AGAP1: variants seen among roughly 807,000 people sequenced by gnomAD.
The protein encoded by AGAP1 is ArfGAP with GTPase domain, ankyrin repeat and PH domain 1.
In AGAP1, 29 loss-of-function variants were observed where a neutral mutation model predicts 105.3. The observed-to-expected ratio is 0.28, with a 90% CI of 0.21 to 0.38. AGAP1 has a LOEUF of 0.38. Ranked by LOEUF, AGAP1 falls within the 10% of genes least tolerant of loss-of-function variation. AGAP1 has a pLI of 1.00. For missense variants in AGAP1, 998 were observed against 1,165.1 expected (o/e 0.86, Z 2.09); for synonymous variants, 509 against 485.9 (o/e 1.05, Z -0.63).
intron 1 of AGAP1, among the ~76,000 whole-genome samples, chr2:235,542,634 A>G (rs372971977): frequency 5.3e-5 from 8 of 152,252 alleles, no homozygotes; most frequent in African/African-American, 1.9e-4. Context: ...TACATGTACA[A>G]TCATTTCAAA....
At chr2:235,679,409 G>A (rs1948941078) in intron 1 of AGAP1, among the ~76,000 whole-genome samples, 1 of 152,202 alleles carries the variant, frequency 6.6e-6, no homozygotes, top group African/African-American at 2.4e-5. Context: ...GAAGCTCCAA[G>A]TATAAGCCAA....
rs567302709 is a variant in AGAP1 at position 236,062,082 on chromosome 2, C to T, written c.2114+12801C>T. The stretch of plus-strand genomic sequence containing the variant: ...CAGGATGTGCACTGCAGCCAAATTC[C>T]TGCCCTGCGGACGGCCCACAGGGGA... On this transcript the variant is annotated intron_variant, in intron 16 of 17. Transcript: ENST00000304032. The surrounding 1 kb of genome is among the most constrained non-coding windows in gnomAD (Gnocchi z 4.2). Among the ~76,000 whole-genome samples the T allele has an allele frequency of 6.6e-6, 1 of 152,228 alleles. No individual in the cohort carries two copies. Among genetic ancestry groups the T allele is most frequent in the Non-Finnish European group, 1.5e-5 (1 of 68,012 alleles).
chr2:235,495,343 G>T (rs1293223588), intron 1 of AGAP1, among the ~76,000 whole-genome samples: 1 of 152,246 alleles, frequency 6.6e-6, no homozygotes, highest in Non-Finnish European at 1.5e-5. Flanking sequence ...TTAATTCAGG[G>T]GTGCAGTTGA....
In AGAP1 at chr2:235,665,492, G is replaced by A. The variant is rs1442570845; in HGVS notation, c.164-43687G>A. 6.6e-6 allele frequency among the ~76,000 whole-genome samples: 1 copy of A among 152,152 alleles called. No homozygotes were observed. The highest frequency in any genetic ancestry group is 1.5e-5 in the Non-Finnish European group (1 of 68,046). On this transcript the variant is annotated intron_variant, in intron 1 of 17. Coordinates refer to ENST00000304032, the MANE Select transcript of AGAP1 (RefSeq NM_001037131.3). This position sits in a 1 kb window ranked among gnomAD's most constrained non-coding sequence, Gnocchi z 5.3. ...TTCAGCTGGAGTGTCCCAGGCAAAG[G>A]GATGCGTGCAGAATTTTCAGTTCCT...
intron 6 of AGAP1, among the ~76,000 whole-genome samples, chr2:235,791,305 G>T (rs1956960936): frequency 6.6e-6 from 1 of 152,112 alleles, no homozygotes; most frequent in African/African-American, 2.4e-5. Context: ...AGACGTTAGG[G>T]GATCTTTTAT....
rs1944874250 is a variant in AGAP1, at chr2:235,579,979, C to T, written c.163+85130C>T. Among the ~76,000 whole-genome samples the T allele has an allele frequency of 2.0e-5, 3 of 152,042 alleles. No individual in the cohort carries two copies. The South Asian group carries it at 6.2e-4, about 32-fold the overall frequency. Reference sequence around the variant, plus strand: ...GTGGGTTTGCCCATTCTGGACATTTCATATAAACAGAACCATACAACATGT... The same window carrying T: ...GTGGGTTTGCCCATTCTGGACATTTTATATAAACAGAACCATACAACATGT... On this transcript the variant is annotated intron_variant, in intron 1 of 17. Transcript: ENST00000304032.
chr2:235,775,409 T>C (rs1488906451), intron 6 of AGAP1, among the ~76,000 whole-genome samples: 1 of 152,220 alleles, frequency 6.6e-6, no homozygotes, highest in African/African-American at 2.4e-5. Context: ...TCTTAAATCA[T>C]AGGTGTAATG....
At chr2:235,978,559 G>A (rs2054955051) in intron 13 of AGAP1, among the ~76,000 whole-genome samples, 2 of 152,202 alleles carry the variant, frequency 1.3e-5, no homozygotes, top group Non-Finnish European at 2.9e-5. Flanking sequence ...GAGGAAGAGG[G>A]TTGAATAAAG....
rs73996512 is a variant in AGAP1, at chr2:236,067,454, A to G, written c.2114+18173A>G. On this transcript the variant is annotated intron_variant, in intron 16 of 17. Transcript: ENST00000304032. ...GAAACATCGTTAAAAATTATAATGA[A>G]AAATACTATGTCTACCTGTCATATT... is the stretch of plus-strand genomic sequence containing the variant. Among the ~76,000 whole-genome samples the G allele has an allele frequency of 8.8e-3, 1,336 of 152,286 alleles. 12 individuals are homozygous for G. Among genetic ancestry groups the G allele is most frequent in the African/African-American group, 0.029 (1,217 of 41,544 alleles).
intron 7 of AGAP1, among the ~76,000 whole-genome samples, chr2:235,798,569 C>T (rs1283953747): frequency 2.0e-5 from 3 of 152,106 alleles, no homozygotes; most frequent in Non-Finnish European, 4.4e-5. Context: ...CAGAGCCTGT[C>T]AAGGTACAGT....
chr2:235,779,697 C>T (rs1956139820), intron 6 of AGAP1, among the ~76,000 whole-genome samples: 1 of 152,312 alleles, frequency 6.6e-6, no homozygotes, highest in Middle Eastern at 3.4e-3. Flanking sequence ...CATCAGTAAC[C>T]TACAGGCTTT....
intron 6 of AGAP1, among the ~76,000 whole-genome samples, chr2:235,757,925 C>A (rs1451692896): frequency 6.6e-6 from 1 of 152,154 alleles, no homozygotes; most frequent in African/African-American, 2.4e-5. Flanking sequence ...GTCTTCTGGG[C>A]CTCTTCTCCT....
At position 235,971,471 on chromosome 2, in the gene AGAP1, C is replaced by T. The variant is rs554004953; in HGVS notation, c.1645+2848C>T. Among the ~76,000 whole-genome samples the T allele has an allele frequency of 3.3e-5, 5 of 152,114 alleles. No homozygotes were observed. Among genetic ancestry groups the T allele is most frequent in the East Asian group, 1.9e-4 (1 of 5,166 alleles). ...ATCCCAGCACTTTGGGAGGCTGAGGCGGGCGGATCACGAGGTCAGGAGATC... is the reference window on the plus strand; with the variant it reads ...ATCCCAGCACTTTGGGAGGCTGAGGTGGGCGGATCACGAGGTCAGGAGATC... On this transcript the variant is annotated intron_variant, in intron 13 of 17. Transcript: ENST00000304032. The surrounding 1 kb of genome is among the most constrained non-coding windows in gnomAD (Gnocchi z 4.8).
chr2:235,519,890 C>G (rs886352884), intron 1 of AGAP1, among the ~76,000 whole-genome samples: 3 of 152,204 alleles, frequency 2.0e-5, no homozygotes, highest in African/African-American at 7.2e-5. Flanking sequence ...TCAAGCGATT[C>G]TCCTGCCTCA....
At chr2:235,495,355 C>T (rs1357789819) in intron 1 of AGAP1, among the ~76,000 whole-genome samples, 1 of 152,220 alleles carries the variant, frequency 6.6e-6, no homozygotes, top group African/African-American at 2.4e-5. Flanking sequence ...TGCAGTTGAA[C>T]TTAGTGGATG....
chr2:235,992,653 A>G lies in AGAP1; in HGVS notation c.1645+24030A>G, dbSNP rs539830791. Among the ~76,000 whole-genome samples the G allele has an allele frequency of 3.9e-5, 6 of 152,254 alleles. No homozygotes were observed. Among genetic ancestry groups the G allele is most frequent in the Non-Finnish European group, 8.8e-5 (6 of 68,042 alleles). ...TGTTGAAGGCAATACTCATCAGAGT[A>G]TGCATTAAGTAGCATTGAACCACAT... On this transcript the variant is annotated intron_variant, in intron 13 of 17. Transcript: ENST00000304032. This position sits in a 1 kb window ranked among gnomAD's most constrained non-coding sequence, Gnocchi z 4.8.
chr2:235,686,590 T>TACACAC (rs1559350139), intron 1 of AGAP1, among the ~76,000 whole-genome samples: 3 of 99,484 alleles, frequency 3.0e-5, no homozygotes, highest in African/African-American at 1.5e-4. Flanking sequence ...CACACACACG[T>TACACAC]GTGTGTGTAT....
rs536602195 is a variant in AGAP1, at chr2:236,096,796, C to G, written c.2115-23396C>G. On this transcript the variant is annotated intron_variant, in intron 16 of 17. Coordinates refer to ENST00000304032, the MANE Select transcript of AGAP1 (RefSeq NM_001037131.3). This position sits in a 1 kb window ranked among gnomAD's most constrained non-coding sequence, Gnocchi z 4.4. ...ATGGAGTTTCACCGTGTTGGCCAGG[C>G]TGGTCTCGAGCTCCCAACCTCAAGT... 1.2e-3 allele frequency among the ~76,000 whole-genome samples: 188 copies of G among 152,092 alleles called. No homozygotes were observed. The highest frequency in any genetic ancestry group is 4.4e-3 in the African/African-American group (182 of 41,504).
chr2:235,998,068 G>T (rs1175202596), intron 13 of AGAP1, among the ~76,000 whole-genome samples: 2 of 152,112 alleles, frequency 1.3e-5, no homozygotes, highest in African/African-American at 2.4e-5. Flanking sequence ...ACAAAGGATT[G>T]ACCAACTTTG....
Sources: allele counts gnomAD v4.1 joint callset (sites outside exome capture counted in the v4.1 genomes callset), GRCh38; gene constraint gnomAD v4.1.1; non-coding constraint Gnocchi (gnomAD v3.1); transcripts MANE v1.5; gene names NCBI Gene and HGNC (gene_info 2026-07-23, HGNC 2026-07-21).